The following PBX4 variants were observed in gnomAD, a reference collection of about 807,000 sequenced individuals.
The protein encoded by PBX4 is pre-B-cell leukemia transcription factor 4.
A neutral mutation model predicts 35.1 loss-of-function variants in PBX4; 26 were observed. The observed-to-expected ratio is 0.74, with a 90% CI of 0.54 to 1.03. PBX4 has a LOEUF of 1.03. Among genes scored for constraint, PBX4 ranks in the 50% least tolerant of loss-of-function variants. PBX4 has a pLI of 0.00. For synonymous variants in PBX4, 199 were observed against 204.2 expected, an observed-to-expected ratio of 0.97 and a Z score of 0.22; for missense variants, 448 against 504.3, an observed-to-expected ratio of 0.89 and a Z score of 1.07.
chr19:19,610,815 C>T (rs145496084), intron 1 of PBX4, among the ~76,000 whole-genome samples: 1 of 152,180 alleles, frequency 6.6e-6, no homozygotes, highest in African/African-American at 2.4e-5. Flanking sequence ...CAGCAAGACT[C>T]CTCTGGCACT....
rs562562121 is a variant in PBX4, at chr19:19,562,383, T to C, written c.1033-266A>G. ...CTTCCCTGGGGCTTAGGCAAAGGAC[T>C]GACTGGCATCGGGTACAACAAGGGC... is the stretch of plus-strand genomic sequence containing the variant. On this transcript the variant is annotated intron_variant, in intron 7 of 7. Transcript: ENST00000251203. The surrounding 1 kb of genome is among the most constrained non-coding windows in gnomAD (Gnocchi z 4.8). 6.6e-6 allele frequency among the ~76,000 whole-genome samples: 1 copy of C among 152,254 alleles called. No homozygotes were observed. The highest frequency in any genetic ancestry group is 2.1e-4 in the South Asian group (1 of 4,826).
At chr19:19,582,081 C>G (rs925686964) in intron 2 of PBX4, among the ~76,000 whole-genome samples, 1 of 152,120 alleles carries the variant, frequency 6.6e-6, no homozygotes, top group African/African-American at 2.4e-5. Context: ...GAACCCAAGG[C>G]CCCCTACCTT....
intron 2 of PBX4, among the ~76,000 whole-genome samples, chr19:19,598,778 G>A (rs2061576224): frequency 6.6e-6 from 1 of 152,096 alleles, no homozygotes; most frequent in Non-Finnish European, 1.5e-5. Flanking sequence ...CCAGGGCAAT[G>A]ATAAGGCAGA....
intron 2 of PBX4, among the ~76,000 whole-genome samples, chr19:19,584,814 T>C (rs923812359): frequency 7.3e-5 from 11 of 151,664 alleles, no homozygotes; most frequent in African/African-American, 4.8e-5. Context: ...TTAGTAGAGA[T>C]GGGGTTTCAC....
At chr19:19,593,019 C>A (rs1326759834) in intron 2 of PBX4, among the ~76,000 whole-genome samples, 3 of 152,216 alleles carry the variant, frequency 2.0e-5, no homozygotes, top group Admixed American at 6.5e-5. Flanking sequence ...CGAGGCTGTG[C>A]AGGGCTCTGG....
In PBX4 at chr19:19,576,230, A is replaced by AT. The variant is rs879507684; in HGVS notation, c.194-5398_194-5397insA. Among the ~76,000 whole-genome samples, 64 of 50,752 alleles carry AT rather than the reference A, an allele frequency of 1.3e-3. No individual in the cohort carries two copies. The East Asian group carries it at 0.027, about 21-fold the overall frequency. 33.3% of individuals were successfully genotyped at this position (50,752 alleles called of 152,430 possible). The stretch of plus-strand genomic sequence containing the variant: ...CATGGTGAGATCCTGTTTCTAAAAA[A>AT]ATTTTTTTTTTCTTGAGACGAAGTC... On this transcript the variant is annotated intron_variant, in intron 2 of 7. Coordinates refer to ENST00000251203, the MANE Select transcript of PBX4 (RefSeq NM_025245.3).
At chr19:19,582,361 C>T (rs1443573390) in intron 2 of PBX4, among the ~76,000 whole-genome samples, 1 of 152,148 alleles carries the variant, frequency 6.6e-6, no homozygotes, top group Non-Finnish European at 1.5e-5. Flanking sequence ...CCCAAATAAG[C>T]CTGAGACCTT....
At chr19:19,600,903 C>T (rs911190317) in intron 1 of PBX4, among the ~76,000 whole-genome samples, 1 of 152,082 alleles carries the variant, frequency 6.6e-6, no homozygotes, top group Non-Finnish European at 1.5e-5. Context: ...CACTATGGTC[C>T]TGCAGTGGTG....
intron 2 of PBX4, among the ~76,000 whole-genome samples, chr19:19,598,545 C>T (rs2061574766): frequency 6.6e-6 from 1 of 152,092 alleles, no homozygotes. Context: ...ATCCACCTGC[C>T]TCGGCCTCCC....
intron 2 of PBX4, among the ~76,000 whole-genome samples, chr19:19,593,197 G>A (rs145429143): frequency 7.0e-4 from 106 of 152,312 alleles, no homozygotes; most frequent in African/African-American, 2.4e-3. Context: ...TTATAAGTGT[G>A]AGCCACCATG....
intron 2 of PBX4, among the ~76,000 whole-genome samples, chr19:19,578,401 A>G (rs1257663555): frequency 6.6e-6 from 1 of 152,016 alleles, no homozygotes; most frequent in Admixed American, 6.6e-5. Context: ...ATGCTGGCCT[A>G]ATTATGGTCA....
At chr19:19,580,921 C>T (rs912551340) in intron 2 of PBX4, among the ~76,000 whole-genome samples, 26 of 152,126 alleles carry the variant, frequency 1.7e-4, no homozygotes, top group African/African-American at 6.0e-4. Context: ...TTTGTAGAGA[C>T]GAGGTTTTGC....
intron 2 of PBX4, among the ~76,000 whole-genome samples, chr19:19,598,758 A>G (rs1394341779): frequency 6.6e-6 from 1 of 152,132 alleles, no homozygotes; most frequent in Non-Finnish European, 1.5e-5. Context: ...ATCAGTGTGC[A>G]TACTGGAAAC....
rs200606485 is a variant in PBX4, at chr19:19,576,534, AT to A, written c.194-5702del. Among the ~76,000 whole-genome samples the A allele has an allele frequency of 7.7e-3, 1,158 of 150,934 alleles. 3 individuals are homozygous for A. The highest frequency in any genetic ancestry group is 0.021 in the Middle Eastern group (6 of 292). On this transcript the variant is annotated intron_variant, in intron 2 of 7. Transcript: ENST00000251203. ...CCACTGTGCCTGGCCAAAAAAAAAA[AT>A]TTTTTTTTTAAATCATTTACTTATC...
At chr19:19,580,232 AT>A (rs1353137718) in intron 2 of PBX4, among the ~76,000 whole-genome samples, 1 of 144,670 alleles carries the variant, frequency 6.9e-6, no homozygotes, top group East Asian at 2.2e-4. Flanking sequence ...GAGAATCGAC[AT>A]GAAGGAGAAA....
intron 1 of PBX4, among the ~76,000 whole-genome samples, chr19:19,614,680 C>T (rs2061679449): frequency 6.6e-6 from 1 of 151,948 alleles, no homozygotes. Flanking sequence ...CCAAACCAAA[C>T]CAAAAAACAG....
intron 1 of PBX4, among the ~76,000 whole-genome samples, chr19:19,615,141 G>A (rs1449486515): frequency 7.4e-6 from 1 of 134,390 alleles, no homozygotes; most frequent in East Asian, 2.2e-4. Context: ...CTCCAGTCTG[G>A]GTGACAGAGT....
intron 1 of PBX4, among the ~76,000 whole-genome samples, chr19:19,614,926 G>C (rs1242631967): frequency 1.3e-5 from 2 of 151,884 alleles, no homozygotes; most frequent in Non-Finnish European, 2.9e-5. Context: ...TTGGGAGGCC[G>C]AGGTGGGTGG....
intron 2 of PBX4, among the ~76,000 whole-genome samples, chr19:19,583,466 A>C (rs1419018214): frequency 1.3e-5 from 2 of 151,822 alleles, no homozygotes; most frequent in Admixed American, 1.3e-4. Context: ...TTAAAAAATG[A>C]GTCAGGTTTG....
Sources: allele counts gnomAD v4.1 joint callset (sites outside exome capture counted in the v4.1 genomes callset), GRCh38; gene constraint gnomAD v4.1.1; non-coding constraint Gnocchi (gnomAD v3.1); transcripts MANE v1.5; gene names NCBI Gene and HGNC (gene_info 2026-07-23, HGNC 2026-07-21).